Variants in ZNF696 observed in about 807,000 individuals in gnomAD.
ZNF696 encodes zinc finger protein 696.
In ZNF696, 10 loss-of-function variants were observed where a neutral mutation model predicts 12.3. That is an observed-to-expected ratio of 0.81 (90% confidence interval 0.50 to 1.38). The LOEUF is 1.38. ZNF696 is among the 40% of genes most tolerant of loss of function. The probability of loss-of-function intolerance (pLI) is 0.00; values close to 1 mark genes in which losing one functional copy is unlikely to be tolerated. For missense variants in ZNF696, 675 were observed against 554.7 expected, an observed-to-expected ratio of 1.22 and a Z score of -2.18; for synonymous variants, 304 against 243.9, an observed-to-expected ratio of 1.25 and a Z score of -2.29.
Position 143,291,515 on chromosome 8 carries a change from G to A in ZNF696, c.-283G>A. ...CTGAGGGCGCGGCCGAGAGAACGGG[G>A]CGGTCACCGCCGCCGTGGCCCGCGC... On this transcript the variant is annotated 5_prime_UTR_variant, in exon 1 of 3. Transcript: ENST00000330143. 1.0e-6 allele frequency: 1 copy of A among 984,466 alleles called. No homozygotes were observed. The highest frequency in any genetic ancestry group is 1.2e-6 in the Non-Finnish European group (1 of 829,042). The allele number at this position is 984,466 out of a possible 1,614,324, so 61.0% of individuals were successfully genotyped here. A position where few individuals can be genotyped will look rare whatever the true frequency, so the allele number is the denominator to read the frequency against.
Position 143,296,937 on chromosome 8 carries a change from G to C in ZNF696, c.*137G>C, listed in dbSNP as rs1182654521. 2.4e-6 allele frequency: 2 copies of C among 821,208 alleles called. No homozygotes were observed. Among genetic ancestry groups the C allele is most frequent in the Non-Finnish European group, 3.4e-6 (2 of 582,406 alleles). The allele number at this position is 821,208 out of a possible 1,614,324, so 50.9% of individuals were successfully genotyped here. A position where few individuals can be genotyped will look rare whatever the true frequency, so the allele number is the denominator to read the frequency against. On this transcript the variant is annotated 3_prime_UTR_variant, in exon 3 of 3. Transcript: ENST00000330143. ...CTGGTTCTCGGGTTGCGAAAGCCTCGCCAGGCCTGCATCCGCCTTGGCTTG... is the reference window on the plus strand; with the variant it reads ...CTGGTTCTCGGGTTGCGAAAGCCTCCCCAGGCCTGCATCCGCCTTGGCTTG...
At position 143,296,589 on chromosome 8, in the gene ZNF696, G is replaced by C; in HGVS notation, c.914G>C (p.Ser305Thr). ...CQDCGRAFSR[S>T]SFLREHRRIH... ...GACTGCGGCCGCGCCTTCAGCCGCA[G>C]CTCCTTCCTCCGCGAGCACCGCCGC... is the stretch of plus-strand genomic sequence containing the variant. The change falls in exon 3 of 3, where the codon AGC (serine) becomes ACC (threonine). Residue 305 changes from serine (S) to threonine (T), a missense_variant. Ser to Thr is a moderately conservative substitution (Grantham distance 58, BLOSUM62 1). Coordinates refer to ENST00000330143, the MANE Select transcript of ZNF696 (RefSeq NM_030895.3). 6.3e-7 allele frequency: 1 copy of C among 1,591,606 alleles called. No homozygotes were observed. The highest frequency in any genetic ancestry group is 8.5e-7 in the Non-Finnish European group (1 of 1,174,086).
At chr8:143,294,588 GA>G (rs1318697705) in intron 2 of ZNF696, among the ~76,000 whole-genome samples, 1 of 151,880 alleles carries the variant, frequency 6.6e-6, no homozygotes, top group East Asian at 1.9e-4. Flanking sequence ...ACCTAATCTT[GA>G]TCTCTTGACC....
Position 143,295,945 on chromosome 8 carries a change from G to A in ZNF696, c.270G>A (p.Pro90=). The A allele has an allele frequency of 1.9e-6, 3 of 1,566,128 alleles. No individual in the cohort carries two copies. The highest frequency in any genetic ancestry group is 1.4e-5 in the African/African-American group (1 of 73,752). ...GGCCCGGAGGTTCCCCTCGAGGCCC[G>A]GTCACTTCTGAGAAAACTGGAGGAC... ...RERPGGSPRG[P]VTSEKTGGQS... Residue 90 remains proline (P), a synonymous_variant, in exon 3 of 3, where the codon CCG becomes CCA. Transcript: ENST00000330143.
chr8:143,291,519 T>G lies in ZNF696; in HGVS notation c.-279T>G. ...GGGCGCGGCCGAGAGAACGGGGCGG[T>G]CACCGCCGCCGTGGCCCGCGCGTCC... On this transcript the variant is annotated 5_prime_UTR_variant, in exon 1 of 3. Coordinates refer to ENST00000330143, the MANE Select transcript of ZNF696 (RefSeq NM_030895.3). The G allele has an allele frequency of 1.0e-6, 1 of 984,404 alleles. No homozygotes were observed. Among genetic ancestry groups the G allele is most frequent in the Non-Finnish European group, 1.2e-6 (1 of 829,046 alleles). The allele number at this position is 984,404 out of a possible 1,614,324, so 61.0% of individuals were successfully genotyped here.
chr8:143,298,827 A>C lies in ZNF696; in HGVS notation c.*2027A>C, dbSNP rs1188105716. Reference sequence around the variant, plus strand: ...TAATCCCAACACTTTGGGAGGCCTAAGGGGGAGGATCACTTGAGCCTAGGA... The same window carrying C: ...TAATCCCAACACTTTGGGAGGCCTACGGGGGAGGATCACTTGAGCCTAGGA... On this transcript the variant is annotated 3_prime_UTR_variant, in exon 3 of 3. Coordinates refer to ENST00000330143, the MANE Select transcript of ZNF696 (RefSeq NM_030895.3). Among the ~76,000 whole-genome samples, 1 of 152,160 alleles carries C rather than the reference A, an allele frequency of 6.6e-6. No homozygotes were observed. The highest frequency in any genetic ancestry group is 1.5e-5 in the Non-Finnish European group (1 of 68,020).
intron 2 of ZNF696, chr8:143,295,507 C>T (rs985611380): frequency 2.9e-6 from 2 of 694,616 alleles, no homozygotes; most frequent in African/African-American, 1.8e-5. Flanking sequence ...AGCCCCGTTT[C>T]TGGAGTGGCA....
At position 143,296,376 on chromosome 8, in the gene ZNF696, A is replaced by T; in HGVS notation, c.701A>T (p.Glu234Val). ...AAGCACCGCCGCACCCACACCGGGGAGAGGCTGTACGCGTGCGGCGAGTGC... is the reference window on the plus strand; with the variant it reads ...AAGCACCGCCGCACCCACACCGGGGTGAGGCTGTACGCGTGCGGCGAGTGC... The part of the protein sequence containing the change: ...AAKHRRTHTG[E>V]RLYACGECGK... The change falls in exon 3 of 3, where the codon GAG becomes GTG. Residue 234 changes from glutamate to valine, a missense_variant. By Grantham distance (121) the Glu-to-Val change is moderately radical (BLOSUM62 -2). Coordinates refer to ENST00000330143, the MANE Select transcript of ZNF696 (RefSeq NM_030895.3). 1 of 1,594,992 alleles carries T rather than the reference A, an allele frequency of 6.3e-7. No homozygotes were observed.
At chr8:143,295,492 C>T (rs1256032215) in intron 2 of ZNF696, 1 of 689,564 alleles carries the variant, frequency 1.5e-6, no homozygotes, top group South Asian at 1.5e-5. Context: ...CACATCCGGC[C>T]CCACAGCCCC....
At position 143,297,491 on chromosome 8, in the gene ZNF696, A is replaced by T. The variant is rs1164546189; in HGVS notation, c.*691A>T. 2 of 152,224 alleles carry T rather than the reference A, an allele frequency of 1.3e-5. No individual in the cohort carries two copies. The highest frequency in any genetic ancestry group is 1.9e-4 in the East Asian group (1 of 5,194). The allele number at this position is 152,224 out of a possible 1,614,324, so 9.4% of individuals were successfully genotyped here. ...GGCAAAACCCCCATCTCGACTAAAA[A>T]TACAAAAAATTAATTGGGCGTGGTG... On this transcript the variant is annotated 3_prime_UTR_variant, in exon 3 of 3. Coordinates refer to ENST00000330143, the MANE Select transcript of ZNF696 (RefSeq NM_030895.3).
rs1232598680 is a variant in ZNF696, at chr8:143,299,660, A to C, written c.*2860A>C. Among the ~76,000 whole-genome samples the C allele has an allele frequency of 6.6e-6, 1 of 152,206 alleles. No homozygotes were observed. On this transcript the variant is annotated 3_prime_UTR_variant, in exon 3 of 3. Coordinates refer to ENST00000330143, the MANE Select transcript of ZNF696 (RefSeq NM_030895.3). The stretch of plus-strand genomic sequence containing the variant: ...AACTGAACACAAACTTCTGTCAATT[A>C]AAAAATAAGAACGAAATCAGGCTGG...
chr8:143,296,043 G>C lies in ZNF696; in HGVS notation c.368G>C (p.Arg123Pro). ...GAEGGGSWKGRPFPCGACGRS... is the reference protein window; with the variant it reads ...GAEGGGSWKGPPFPCGACGRS... ...GAGGGCGGGGGCAGCTGGAAGGGGC[G>C]GCCTTTCCCGTGCGGCGCCTGTGGC... Residue 123 changes from arginine (R) to proline (P), a missense_variant, in exon 3 of 3, where the codon CGG (arginine) becomes CCG (proline). Transcript: ENST00000330143. 1 of 1,593,042 alleles carries C rather than the reference G, an allele frequency of 6.3e-7. No homozygotes were observed. Among genetic ancestry groups the C allele is most frequent in the South Asian group, 1.1e-5 (1 of 88,990 alleles).
intron 1 of ZNF696, among the ~76,000 whole-genome samples, chr8:143,292,452 T>A (rs868757864): frequency 0.02 from 2,990 of 151,708 alleles, 101 homozygotes; most frequent in African/African-American, 0.069. Flanking sequence ...TTTTTTTTTT[T>A]ACATTAAATT....
At chr8:143,294,602 G>A (rs888579177) in intron 2 of ZNF696, among the ~76,000 whole-genome samples, 2 of 151,924 alleles carry the variant, frequency 1.3e-5, no homozygotes, top group African/African-American at 4.8e-5. Context: ...TCTTGACCTC[G>A]TGAACTGCCC....
intron 2 of ZNF696, 55 bp from the exon 3 acceptor site, chr8:143,295,685 C>T (rs1815695958): frequency 2.0e-6 from 3 of 1,478,640 alleles, no homozygotes; most frequent in East Asian, 2.5e-5. Flanking sequence ...CCAGAGCCAC[C>T]CTCGACTCAC....
At position 143,298,358 on chromosome 8, in the gene ZNF696, G is replaced by A. The variant is rs56730466; in HGVS notation, c.*1558G>A. The stretch of plus-strand genomic sequence containing the variant: ...CAGGGGTGGTCTCAGAATGGATTTG[G>A]TGGCCCCACCGTTAATTAAGCTCCT... On this transcript the variant is annotated 3_prime_UTR_variant, in exon 3 of 3. Transcript: ENST00000330143. Among the ~76,000 whole-genome samples the A allele has an allele frequency of 3.3e-5, 5 of 152,126 alleles. No homozygotes were observed. Among genetic ancestry groups the A allele is most frequent in the African/African-American group, 9.7e-5 (4 of 41,396 alleles).
Position 143,296,069 on chromosome 8 carries a change from C to T in ZNF696, c.394C>T (p.Arg132Cys). The part of the protein sequence containing the change: ...GRPFPCGACG[R>C]SFKCSSDAAK... ...GCCTTTCCCGTGCGGCGCCTGTGGC[C>T]GCAGCTTCAAGTGCTCCTCGGACGC... Residue 132 changes from arginine (R) to cysteine (C), a missense_variant, in exon 3 of 3, where the codon CGC becomes TGC. By Grantham distance (180) the Arg-to-Cys change is radical (BLOSUM62 -3). Coordinates refer to ENST00000330143, the MANE Select transcript of ZNF696 (RefSeq NM_030895.3). The T allele has an allele frequency of 2.5e-6, 4 of 1,595,746 alleles. No individual in the cohort carries two copies. Among genetic ancestry groups the T allele is most frequent in the Admixed American group, 1.7e-5 (1 of 58,060 alleles).
Position 143,291,639 on chromosome 8 carries a change from G to C in ZNF696, c.-159G>C. 1.0e-6 allele frequency: 1 copy of C among 985,506 alleles called. No homozygotes were observed. The highest frequency in any genetic ancestry group is 1.7e-5 in the African/African-American group (1 of 57,376). The allele number at this position is 985,506 out of a possible 1,614,324, so 61.0% of individuals were successfully genotyped here. On this transcript the variant is annotated 5_prime_UTR_variant, in exon 1 of 3. Transcript: ENST00000330143. ...CGTACCCGGGGTCCGACACGTGCGG[G>C]GCTTCCTGCGAGCTGAGTCCCCGCT...
rs1815708593 is a variant in ZNF696, at chr8:143,296,197, G to GACTC, written c.522_523insACTC (p.His175ThrfsTer326). Reference sequence around the variant, plus strand: ...CGCACGTGGTCCGGCACCAGCGGGCGCACAGCGGGGAGAGGCCCTACGCGT... The same window carrying GACTC: ...CGCACGTGGTCCGGCACCAGCGGGCGACTCCACAGCGGGGAGAGGCCCTACGCGT... On this transcript the variant is annotated frameshift_variant, in exon 3 of 3. Transcript: ENST00000330143. LOFTEE classifies it high-confidence loss of function. 6.3e-7 allele frequency: 1 copy of GACTC among 1,593,748 alleles called. No homozygotes were observed. Among genetic ancestry groups the GACTC allele is most frequent in the African/African-American group, 1.3e-5 (1 of 74,382 alleles).
Sources: allele counts gnomAD v4.1 joint callset (sites outside exome capture counted in the v4.1 genomes callset), GRCh38; gene constraint gnomAD v4.1.1; transcripts MANE v1.5; gene names NCBI Gene and HGNC (gene_info 2026-07-23, HGNC 2026-07-21).